Variants in TRDN observed in about 807,000 individuals in gnomAD.
TRDN encodes triadin in skeletal muscle.
In TRDN, 161 loss-of-function variants were observed where a neutral mutation model predicts 149.7. The observed-to-expected ratio is 1.08, with a 90% CI of 0.95 to 1.23. The LOEUF (loss-of-function observed/expected upper bound fraction) is 1.23, where lower values mean the gene tolerates loss of function less well. Among genes scored for constraint, TRDN ranks in the 50% most tolerant of loss-of-function variants. The probability of loss-of-function intolerance (pLI) is 0.00; values close to 1 mark genes in which losing one functional copy is unlikely to be tolerated. For missense variants in TRDN, 896 were observed against 823.5 expected, an observed-to-expected ratio of 1.09 and a Z score of -1.08; for synonymous variants, 294 against 250.5, an observed-to-expected ratio of 1.17 and a Z score of -1.64.
chr6:123,446,732 C>T (rs959548344), intron 10 of TRDN, among the ~76,000 whole-genome samples: 3 of 152,016 alleles, frequency 2.0e-5, no homozygotes, highest in South Asian at 2.1e-4. Flanking sequence ...TTCCATTTCC[C>T]TGTGAGTAAC....
At chr6:123,288,756 A>G (rs1777888050) in intron 24 of TRDN, among the ~76,000 whole-genome samples, 1 of 152,128 alleles carries the variant, frequency 6.6e-6, no homozygotes, top group Non-Finnish European at 1.5e-5. Context: ...GAGAAAAGGA[A>G]TCCCTTGTAC....
chr6:123,533,001 G>A (rs1351592799), intron 4 of TRDN, among the ~76,000 whole-genome samples: 13 of 151,792 alleles, frequency 8.6e-5, no homozygotes, highest in Admixed American at 7.9e-4. Context: ...GCCAACAGAT[G>A]CTGTGAAGAA....
intron 12 of TRDN, among the ~76,000 whole-genome samples, chr6:123,437,632 G>C (rs1774642500): frequency 7.0e-6 from 1 of 143,820 alleles, no homozygotes; most frequent in African/African-American, 3.0e-5. Context: ...CATCAAGAAA[G>C]ATAGTGCCCC....
At chr6:123,507,398 T>G (rs1778979425) in intron 7 of TRDN, among the ~76,000 whole-genome samples, 1 of 152,108 alleles carries the variant, frequency 6.6e-6, no homozygotes, top group African/African-American at 2.4e-5. Flanking sequence ...AATCATTGAC[T>G]TTAAGTATAA....
At position 123,343,464 on chromosome 6, in the gene TRDN, T is replaced by C. The variant is rs547698679; in HGVS notation, c.1370-5795A>G. ...TTGAAACTTAATTTATAAGATGATA[T>C]ATATTGAAAAATTGAAGAAATATAA... On this transcript the variant is annotated intron_variant, in intron 21 of 40. Transcript: ENST00000334268. 2.6e-5 allele frequency among the ~76,000 whole-genome samples: 4 copies of C among 152,052 alleles called. No homozygotes were observed. The South Asian group carries it at 8.3e-4, about 31-fold the overall frequency.
chr6:123,516,717 A>C (rs1779427867), intron 5 of TRDN, among the ~76,000 whole-genome samples: 1 of 152,122 alleles, frequency 6.6e-6, no homozygotes, highest in Admixed American at 6.6e-5. Context: ...AATCTTTCCA[A>C]CAAAAATAAA....
At position 123,555,179 on chromosome 6, in the gene TRDN, C is replaced by G. The variant is rs187169557; in HGVS notation, c.233-6567G>C. Among the ~76,000 whole-genome samples, 32 of 152,198 alleles carry G rather than the reference C, an allele frequency of 2.1e-4. No individual in the cohort carries two copies. The East Asian group carries it at 6.2e-3, about 29-fold the overall frequency. On this transcript the variant is annotated intron_variant, in intron 2 of 40. Transcript: ENST00000334268. ...AAAGCTTTTTAAGTCCAAACAGTTT[C>G]TCATAAGTTGGGCCACTTGTCCTGG...
chr6:123,350,327 G>A, intron 21 of TRDN: 1 of 949,062 alleles, frequency 1.1e-6, no homozygotes, highest in Non-Finnish European at 1.3e-6. Context: ...GATTCAATAT[G>A]CACAATTATA....
rs866965218 is a variant in TRDN, at chr6:123,551,224, T to A, written c.233-2612A>T. ...TGCAGATATATATATATATATATAT[T>A]GCCTGGTTCTAAAATTGCCAAAGCA... On this transcript the variant is annotated intron_variant, in intron 2 of 40. Coordinates refer to ENST00000334268, the MANE Select transcript of TRDN (RefSeq NM_006073.4). 1.6e-4 allele frequency among the ~76,000 whole-genome samples: 15 copies of A among 92,436 alleles called. 1 individual carries two copies. The Middle Eastern group carries it at 0.018, about 109-fold the overall frequency. The allele number at this position is 92,436 out of a possible 152,430, so 60.6% of individuals were successfully genotyped here.
At position 123,464,963 on chromosome 6, in the gene TRDN, G is replaced by C; in HGVS notation, c.874C>G (p.Pro292Ala). ...LKPGQSPAIPPPLPTEQASRP... is the reference protein window; with the variant it reads ...LKPGQSPAIPAPLPTEQASRP... ...GAAGCTTGTTCTGTCGGTAAGGGAG[G>C]TGGAATGGCTGGGCTTTGTCCTACA... is the stretch of plus-strand genomic sequence containing the variant. Residue 292 changes from proline (P) to alanine (A), a missense_variant, in exon 10 of 41, where the codon CCT (proline) becomes GCT (alanine). Pro to Ala is a conservative substitution (Grantham distance 27, BLOSUM62 -1). Coordinates refer to ENST00000334268, the MANE Select transcript of TRDN (RefSeq NM_006073.4). 1 of 1,599,258 alleles carries C rather than the reference G, an allele frequency of 6.3e-7. No homozygotes were observed. The highest frequency in any genetic ancestry group is 8.5e-7 in the Non-Finnish European group (1 of 1,172,564).
At chr6:123,551,203 G>GCTATATATATATATATATAT (rs538947652) in intron 2 of TRDN, among the ~76,000 whole-genome samples, 1 of 118,024 alleles carries the variant, frequency 8.5e-6, no homozygotes, top group African/African-American at 3.3e-5. Flanking sequence ...GTATTTTGCA[G>GCTATATATATATATATATAT]ATATATATAT....
At chr6:123,235,662 G>T (rs1354767277) in intron 38 of TRDN, among the ~76,000 whole-genome samples, 2 of 152,068 alleles carry the variant, frequency 1.3e-5, no homozygotes, top group Admixed American at 1.3e-4. Flanking sequence ...GTATAGATGT[G>T]TGTGACTACA....
chr6:123,434,272 T>A (rs187850519), intron 12 of TRDN, among the ~76,000 whole-genome samples: 3 of 152,192 alleles, frequency 2.0e-5, no homozygotes, highest in Non-Finnish European at 4.4e-5. Flanking sequence ...CACTCCACTT[T>A]CACTTGAGAA....
chr6:123,232,019 G>A (rs1775621136), intron 38 of TRDN, among the ~76,000 whole-genome samples: 3 of 151,928 alleles, frequency 2.0e-5, no homozygotes, highest in African/African-American at 4.8e-5. Context: ...GAATGTGACT[G>A]GAGCTGAAAA....
chr6:123,447,759 T>G (rs1583042982), intron 10 of TRDN, among the ~76,000 whole-genome samples: 4 of 142,862 alleles, frequency 2.8e-5, no homozygotes, highest in Admixed American at 7.1e-5. Flanking sequence ...GGCCACAGAG[T>G]GAGATCAGTT....
chr6:123,633,553 T>A lies in TRDN; in HGVS notation c.22+3201A>T, dbSNP rs141779665. ...GCCCTGAAGATTAAATGAATATTTA[T>A]CAAGCTTAATACAGTGCTTGACATC... On this transcript the variant is annotated intron_variant, in intron 1 of 40. Coordinates refer to ENST00000334268, the MANE Select transcript of TRDN (RefSeq NM_006073.4). 2.0e-4 allele frequency among the ~76,000 whole-genome samples: 31 copies of A among 151,456 alleles called. 1 individual carries two copies. In the East Asian group the frequency reaches 3.1e-3, roughly 15 times the overall value.
Position 123,393,672 on chromosome 6 carries a change from C to G in TRDN, c.1057G>C (p.Gly353Arg), listed in dbSNP as rs1772601101. Residue 353 changes from glycine to arginine, a missense_variant, in exon 13 of 41, where the codon GGA becomes CGA. By Grantham distance (125) the Gly-to-Arg change is moderately radical. Transcript: ENST00000334268. ...TAIDVEKKEP[G>R]KASETKQGTV... The stretch of plus-strand genomic sequence containing the variant: ...CCTTGTTTGGTTTCAGAAGCTTTTC[C>G]CGGCTCTTGGAATGAAAAAAACATA... The G allele has an allele frequency of 6.2e-7, 1 of 1,604,810 alleles. No homozygotes were observed. The highest frequency in any genetic ancestry group is 1.3e-5 in the African/African-American group (1 of 74,612).
intron 24 of TRDN, among the ~76,000 whole-genome samples, chr6:123,301,094 C>T (rs1009033105): frequency 2.6e-5 from 4 of 151,976 alleles, no homozygotes; most frequent in Non-Finnish European, 5.9e-5. Context: ...ATTGTCCTGA[C>T]AGCATCTACA....
intron 6 of TRDN, among the ~76,000 whole-genome samples, chr6:123,515,459 T>C (rs1322470352): frequency 6.6e-6 from 1 of 151,900 alleles, no homozygotes; most frequent in Non-Finnish European, 1.5e-5. Context: ...TTAAAGAGAA[T>C]GAGGACAATA....
Sources: gnomAD v4.1 joint callset for allele counts (sites outside exome capture counted in the v4.1 genomes callset) on GRCh38, gnomAD v4.1.1 for gene constraint, MANE v1.5 for transcripts, NCBI Gene and HGNC (gene_info 2026-07-23, HGNC 2026-07-21) for gene names.